RANBP2: variants seen among roughly 807,000 people sequenced by gnomAD.
The protein encoded by RANBP2 is E3 SUMO-protein ligase RanBP2.
Under a neutral mutation model 303.6 loss-of-function variants are expected in RANBP2, and 57 were observed. The ratio of observed to expected loss-of-function variants is 0.19; its 90% CI spans 0.15 to 0.23. The LOEUF is 0.23. Among genes scored for constraint, RANBP2 ranks in the 10% least tolerant of loss-of-function variants. The pLI, the probability that RANBP2 is intolerant of heterozygous loss-of-function variation, is 1.00. For missense variants in RANBP2, 3,138 were observed against 3,780.8 expected, an observed-to-expected ratio of 0.83 and a Z score of 4.46; for synonymous variants, 1,167 against 1,301.5, an observed-to-expected ratio of 0.90 and a Z score of 2.23.
the RANBP2 span, among the ~76,000 whole-genome samples, chr2:109,278,376 G>A: frequency 6.6e-6 from 1 of 152,186 alleles, no homozygotes; most frequent in Non-Finnish European, 1.5e-5. Context: ...TTGCCAGTCT[G>A]CAGTGGTGAT....
At chr2:108,915,065 A>G in the RANBP2 span, among the ~76,000 whole-genome samples, 1 of 152,194 alleles carries the variant, frequency 6.6e-6, no homozygotes, top group Non-Finnish European at 1.5e-5. Context: ...GGTGTGTGCC[A>G]CCACACCTAC....
At chr2:109,467,515 G>T in the RANBP2 span, among the ~76,000 whole-genome samples, 1 of 152,220 alleles carries the variant, frequency 6.6e-6, no homozygotes, top group South Asian at 2.1e-4. Flanking sequence ...GGGGGCTTGG[G>T]CCCACCGTGA....
chr2:109,494,758 G>A, the RANBP2 span, among the ~76,000 whole-genome samples: 1 of 152,134 alleles, frequency 6.6e-6, no homozygotes, highest in Admixed American at 6.5e-5. Context: ...AAATGCCAAG[G>A]AGGAATGGGC....
At chr2:108,871,064 G>A in the RANBP2 span, among the ~76,000 whole-genome samples, 9 of 152,110 alleles carry the variant, frequency 5.9e-5, no homozygotes, top group East Asian at 1.3e-3. Flanking sequence ...CGTCATTAAT[G>A]TTAGGTGAAC....
chr2:109,447,792 C>T, the RANBP2 span, among the ~76,000 whole-genome samples: 1 of 152,210 alleles, frequency 6.6e-6, no homozygotes, highest in African/African-American at 2.4e-5. Context: ...GGAGCTGTAT[C>T]TTTTCATATG....
chr2:109,446,878 C>T, the RANBP2 span, among the ~76,000 whole-genome samples: 1 of 152,234 alleles, frequency 6.6e-6, no homozygotes, highest in South Asian at 2.1e-4. Flanking sequence ...CTGGTGCAGT[C>T]CCAACGCCGA....
chr2:109,282,478 C>A, the RANBP2 span, among the ~76,000 whole-genome samples: 1 of 152,124 alleles, frequency 6.6e-6, no homozygotes, highest in Non-Finnish European at 1.5e-5. Flanking sequence ...TGCAGGAAGG[C>A]CCGAGGGTCA....
At chr2:109,263,247 A>G in the RANBP2 span, among the ~76,000 whole-genome samples, 15 of 152,308 alleles carry the variant, frequency 9.8e-5, no homozygotes, top group Non-Finnish European at 1.9e-4. Flanking sequence ...TTGTCATTTT[A>G]TGTTGGTTTA....
At chr2:108,870,978 A>C in the RANBP2 span, among the ~76,000 whole-genome samples, 1 of 152,226 alleles carries the variant, frequency 6.6e-6, no homozygotes, top group African/African-American at 2.4e-5. Context: ...CATATTTAAC[A>C]CCAATTTAAA....
chr2:108,777,214 T>G lies in RANBP2; in HGVS notation c.8582T>G (p.Phe2861Cys). Residue 2861 changes from phenylalanine to cysteine, a missense_variant, in exon 25 of 29, where the codon TTT (phenylalanine) becomes TGT (cysteine). Physicochemically the swap from Phe to Cys is radical, Grantham distance 205 (BLOSUM62 -2). Coordinates refer to ENST00000283195, the MANE Select transcript of RANBP2 (RefSeq NM_006267.5). Reference protein sequence around the residue: ...ADLASSNSGDFAFGSKDKNFQ... With the variant: ...ADLASSNSGDCAFGSKDKNFQ... ...TTGGCTTCCAGTAATTCTGGAGATT[T>G]TGCTTTTGGTTCTAAAGGTAAGATC... 6.2e-7 allele frequency: 1 copy of G among 1,613,462 alleles called. No homozygotes were observed. Among genetic ancestry groups the G allele is most frequent in the Non-Finnish European group, 8.5e-7 (1 of 1,179,526 alleles).
intron 14 of RANBP2, 32 bp downstream of exon 14, chr2:108,753,595 T>G (rs200143669): frequency 7.4e-5 from 118 of 1,597,422 alleles, no homozygotes; most frequent in Non-Finnish European, 8.8e-5. Flanking sequence ...GCTAAAAGTT[T>G]TATTTATTTA....
the RANBP2 span, among the ~76,000 whole-genome samples, chr2:109,292,521 C>T: frequency 2.6e-5 from 4 of 152,156 alleles, no homozygotes; most frequent in African/African-American, 9.7e-5. Context: ...TTCACCTATC[C>T]GACGTTTAGC....
At chr2:108,788,927 C>T, downstream of RANBP2, 1 of 1,614,080 alleles carries the variant, frequency 6.2e-7, no homozygotes, top group Non-Finnish European at 8.5e-7. Flanking sequence ...CATTGTAGAA[C>T]ACCATTGGGC....
At chr2:108,984,295 C>T in the RANBP2 span, among the ~76,000 whole-genome samples, 5 of 152,220 alleles carry the variant, frequency 3.3e-5, no homozygotes, top group South Asian at 2.1e-4. Context: ...TTACAGCAAC[C>T]GGCGTGGCAT....
the RANBP2 span, among the ~76,000 whole-genome samples, chr2:109,010,672 T>C: frequency 6.6e-6 from 1 of 152,162 alleles, no homozygotes; most frequent in African/African-American, 2.4e-5. Context: ...CACCTCCTAA[T>C]ACCATCACAC....
the RANBP2 span, among the ~76,000 whole-genome samples, chr2:109,493,774 A>T: frequency 6.6e-6 from 1 of 152,114 alleles, no homozygotes; most frequent in Admixed American, 6.6e-5. Context: ...CATGCACTGC[A>T]CACACACCAG....
chr2:108,941,941 A>C, the RANBP2 span, among the ~76,000 whole-genome samples: 2 of 152,228 alleles, frequency 1.3e-5, no homozygotes, highest in Non-Finnish European at 2.9e-5. Flanking sequence ...TCTGCTGCAC[A>C]GAGAGGCCTG....
the RANBP2 span, among the ~76,000 whole-genome samples, chr2:109,038,562 C>T: frequency 1.3e-4 from 20 of 152,026 alleles, no homozygotes; most frequent in African/African-American, 4.8e-4. Context: ...AATTTTGCCC[C>T]GTGAAAGACC....
chr2:108,821,625 GA>G, the RANBP2 span, among the ~76,000 whole-genome samples: 1 of 152,008 alleles, frequency 6.6e-6, no homozygotes, highest in Non-Finnish European at 1.5e-5. Context: ...AAAACATACA[GA>G]AAAAAATTAA....
Sources: gnomAD v4.1 joint callset for allele counts (sites outside exome capture counted in the v4.1 genomes callset) on GRCh38, gnomAD v4.1.1 for gene constraint, MANE v1.5 for transcripts, NCBI Gene and HGNC (gene_info 2026-07-23, HGNC 2026-07-21) for gene names.